The following GHR variants were observed in gnomAD, a reference collection of about 807,000 sequenced individuals.
GHR encodes the protein growth hormone receptor, also known as GH receptor.
Under a neutral mutation model 67.1 loss-of-function variants are expected in GHR, and 35 were observed. The observed-to-expected ratio is 0.52, with a 90% confidence interval of 0.40 to 0.69. The LOEUF is 0.69. Ranked by LOEUF, GHR falls within the 30% of genes least tolerant of loss-of-function variation. The probability of loss-of-function intolerance (pLI) is 0.00; values close to 1 mark genes in which losing one functional copy is unlikely to be tolerated. For missense variants in GHR, 792 were observed against 764.6 expected, an observed-to-expected ratio of 1.04 and a Z score of -0.42; for synonymous variants, 272 against 269.1, an observed-to-expected ratio of 1.01 and a Z score of -0.10.
chr5:42,469,986 G>A (rs1744925299), intron 1 of GHR, among the ~76,000 whole-genome samples: 2 of 150,810 alleles, frequency 1.3e-5, no homozygotes, highest in South Asian at 2.1e-4. Context: ...GGGTAAGAGT[G>A]GGGAGAAATA....
chr5:42,665,525 T>C (rs1395918626), intron 3 of GHR, among the ~76,000 whole-genome samples: 1 of 151,478 alleles, frequency 6.6e-6, no homozygotes, highest in Non-Finnish European at 1.5e-5. Flanking sequence ...ATATTCTCAC[T>C]CATAGGTGGG....
intron 1 of GHR, among the ~76,000 whole-genome samples, chr5:42,433,303 A>G (rs1274481817): frequency 2.0e-5 from 3 of 152,178 alleles, no homozygotes; most frequent in Admixed American, 2.0e-4. Context: ...AATTATTTAT[A>G]TAATCTGAAA....
At position 42,602,343 on chromosome 5, in the gene GHR, G is replaced by A. The variant is rs1292436628; in HGVS notation, c.71-26695G>A. Among the ~76,000 whole-genome samples, 4 of 152,138 alleles carry A rather than the reference G, an allele frequency of 2.6e-5. 1 individual carries two copies. The highest frequency in any genetic ancestry group is 1.5e-5 in the Non-Finnish European group (1 of 67,982). ...ACATCCCCTGTGAAAATGGGAGGGG[G>A]GCCGTACCATTTGCATGGAATATCT... On this transcript the variant is annotated intron_variant, in intron 2 of 9. Transcript: ENST00000230882.
intron 1 of GHR, among the ~76,000 whole-genome samples, chr5:42,558,574 A>G (rs1033851182): frequency 6.6e-6 from 1 of 152,198 alleles, no homozygotes; most frequent in African/African-American, 2.4e-5. Flanking sequence ...CATCTTTTCT[A>G]TGTTTAGATA....
chr5:42,586,190 C>T (rs1751466314), intron 2 of GHR, among the ~76,000 whole-genome samples: 1 of 152,130 alleles, frequency 6.6e-6, no homozygotes, highest in Non-Finnish European at 1.5e-5. Flanking sequence ...TCCTCCTCCT[C>T]CTCCTCTCCT....
intron 1 of GHR, among the ~76,000 whole-genome samples, chr5:42,433,732 A>ATTTTTTTTTTTTTTTTTTTTTTT (rs35539827): frequency 5.2e-5 from 4 of 77,584 alleles, no homozygotes; most frequent in African/African-American, 5.4e-5. Flanking sequence ...AAGATATGGT[A>ATTTTTTTTTTTTTTTTTTTTTTT]TTTTTTTTTT....
intron 2 of GHR, among the ~76,000 whole-genome samples, chr5:42,579,128 TAG>T (rs1561138792): frequency 3.8e-4 from 32 of 83,612 alleles, no homozygotes; most frequent in African/African-American, 1.4e-3. Context: ...GATAGATAGA[TAG>T]ATAGATAGAT....
chr5:42,433,304 T>A (rs1210539161), intron 1 of GHR, among the ~76,000 whole-genome samples: 1 of 152,190 alleles, frequency 6.6e-6, no homozygotes, highest in African/African-American at 2.4e-5. Flanking sequence ...ATTATTTATA[T>A]AATCTGAAAA....
At chr5:42,452,420 T>C (rs1210965402) in intron 1 of GHR, among the ~76,000 whole-genome samples, 1 of 152,192 alleles carries the variant, frequency 6.6e-6, no homozygotes, top group East Asian at 1.9e-4. Flanking sequence ...TTCTTTGAGC[T>C]TCCTGTATTT....
intron 3 of GHR, among the ~76,000 whole-genome samples, chr5:42,643,745 C>A (rs566497292): frequency 6.6e-6 from 1 of 151,768 alleles, no homozygotes; most frequent in African/African-American, 2.4e-5. Flanking sequence ...TGAAAACAGC[C>A]CAGAATATCT....
At chr5:42,442,492 C>A (rs1743623041) in intron 1 of GHR, among the ~76,000 whole-genome samples, 1 of 152,046 alleles carries the variant, frequency 6.6e-6, no homozygotes, top group South Asian at 2.1e-4. Flanking sequence ...GAGTGATAAA[C>A]CAGGAATCTA....
chr5:42,645,696 A>AT (rs1243106096), intron 3 of GHR, among the ~76,000 whole-genome samples: 1 of 152,188 alleles, frequency 6.6e-6, no homozygotes, highest in Non-Finnish European at 1.5e-5. Flanking sequence ...CTGCTCCACC[A>AT]TCCCAGGTCA....
At chr5:42,474,083 G>C (rs1360324792) in intron 1 of GHR, among the ~76,000 whole-genome samples, 1 of 151,418 alleles carries the variant, frequency 6.6e-6, no homozygotes, top group Non-Finnish European at 1.5e-5. Context: ...CAGCTACTTG[G>C]GAGGCTGAGG....
At chr5:42,540,556 C>G (rs528332538) in intron 1 of GHR, among the ~76,000 whole-genome samples, 1 of 152,224 alleles carries the variant, frequency 6.6e-6, no homozygotes, top group African/African-American at 2.4e-5. Context: ...TTCTAACCTA[C>G]GGGAAGCCTG....
rs1034797961 is a variant in GHR at position 42,424,322 on chromosome 5, C to A, written c.-12+367C>A. 1.8e-6 allele frequency: 1 copy of A among 555,940 alleles called. No homozygotes were observed. The highest frequency in any genetic ancestry group is 3.2e-6 in the Non-Finnish European group (1 of 309,112). The allele number at this position is 555,940 out of a possible 1,614,324, so 34.4% of individuals were successfully genotyped here. On this transcript the variant is annotated intron_variant, in intron 1 of 9. Transcript: ENST00000230882. The surrounding 1 kb of genome is among the most constrained non-coding windows in gnomAD (Gnocchi z 4.1). ...AGTAGTGTACGTGGAGGGGTTTACTCCGGAGACAGTTTTGTTAAAGTCATA... is the reference window on the plus strand; with the variant it reads ...AGTAGTGTACGTGGAGGGGTTTACTACGGAGACAGTTTTGTTAAAGTCATA...
At chr5:42,659,977 G>C (rs923952242) in intron 3 of GHR, among the ~76,000 whole-genome samples, 1 of 152,176 alleles carries the variant, frequency 6.6e-6, no homozygotes, top group Non-Finnish European at 1.5e-5. Flanking sequence ...GGCTCGGAGG[G>C]TCCTACGCCC....
intron 1 of GHR, among the ~76,000 whole-genome samples, chr5:42,475,651 A>G (rs1458200714): frequency 6.6e-6 from 1 of 151,762 alleles, no homozygotes; most frequent in Non-Finnish European, 1.5e-5. Flanking sequence ...CCCTAAAAAC[A>G]TGGATCTTCC....
At chr5:42,693,548 G>C (rs1053045853) in intron 4 of GHR, among the ~76,000 whole-genome samples, 4 of 152,160 alleles carry the variant, frequency 2.6e-5, no homozygotes, top group African/African-American at 9.7e-5. Context: ...AGGAGCAGCT[G>C]TCTCAAGGAC....
chr5:42,474,585 T>C (rs1745210858), intron 1 of GHR, among the ~76,000 whole-genome samples: 1 of 152,058 alleles, frequency 6.6e-6, no homozygotes, highest in African/African-American at 2.4e-5. Context: ...GACCTAAGCC[T>C]GGGAACCACG....
Sources: allele counts gnomAD v4.1 joint callset (sites outside exome capture counted in the v4.1 genomes callset), GRCh38; gene constraint gnomAD v4.1.1; non-coding constraint Gnocchi (gnomAD v3.1); transcripts MANE v1.5; gene names NCBI Gene and HGNC (gene_info 2026-07-23, HGNC 2026-07-21).